INTS2: variants seen among roughly 807,000 people sequenced by gnomAD.
The protein encoded by INTS2 is integrator complex subunit 2, also known as KIAA1287.
In INTS2, 57 loss-of-function variants were observed where a neutral mutation model predicts 139.6. The observed-to-expected ratio is 0.41, with a 90% CI of 0.33 to 0.51. The LOEUF (loss-of-function observed/expected upper bound fraction) is 0.51, where lower values mean the gene tolerates loss of function less well. Among genes scored for constraint, INTS2 ranks in the 20% least tolerant of loss-of-function variants. The probability of loss-of-function intolerance (pLI) is 0.28; values close to 1 mark genes in which losing one functional copy is unlikely to be tolerated. For synonymous variants in INTS2, 473 were observed against 493.4 expected (o/e 0.96, Z 0.55); for missense variants, 1,196 against 1,436.7 (o/e 0.83, Z 2.71).
chr17:61,925,206 T>C, intron 2 of INTS2, 107 bp from the exon 3 acceptor site: 1 of 1,038,856 alleles, frequency 9.6e-7, no homozygotes, highest in East Asian at 2.6e-5. Flanking sequence ...TATAAAGTGT[T>C]CTAAAATGTT....
chr17:61,913,290 G>A (rs190862803), intron 5 of INTS2, among the ~76,000 whole-genome samples: 34 of 148,904 alleles, frequency 2.3e-4, no homozygotes, highest in African/African-American at 6.7e-4. Context: ...GCCGTGAGCC[G>A]AGCTCATGCC....
intron 15 of INTS2, among the ~76,000 whole-genome samples, chr17:61,889,329 C>T (rs1357637759): frequency 6.6e-6 from 1 of 152,068 alleles, no homozygotes; most frequent in African/African-American, 2.4e-5. Context: ...TCAGGTGATC[C>T]GCCCACCTCG....
chr17:61,909,969 A>AT lies in INTS2; in HGVS notation c.954+1550dup, dbSNP rs892764106. Reference sequence around the variant, plus strand: ...GAAATAAACATACAAGTGTAGGTACATTTTTTATATAATGATTTCTCTACC... The same window carrying AT: ...GAAATAAACATACAAGTGTAGGTACATTTTTTTATATAATGATTTCTCTACC... On this transcript the variant is annotated intron_variant, in intron 7 of 24. Coordinates refer to ENST00000251334, the MANE Select transcript of INTS2 (RefSeq NM_001351695.2). The surrounding 1 kb of genome is among the most constrained non-coding windows in gnomAD (Gnocchi z 4.9). Among the ~76,000 whole-genome samples the AT allele has an allele frequency of 5.3e-5, 8 of 152,074 alleles. No individual in the cohort carries two copies.
chr17:61,884,476 G>A (rs370038399), intron 16 of INTS2, among the ~76,000 whole-genome samples: 5 of 152,148 alleles, frequency 3.3e-5, no homozygotes, highest in Admixed American at 1.3e-4. Context: ...CTGGATGACA[G>A]AGTGAGCCAC....
intron 9 of INTS2, among the ~76,000 whole-genome samples, chr17:61,899,598 T>A (rs1196171661): frequency 6.6e-6 from 1 of 151,902 alleles, no homozygotes; most frequent in African/African-American, 2.4e-5. Context: ...AGTTTTTCTA[T>A]CTATAAGATA....
intron 16 of INTS2, among the ~76,000 whole-genome samples, chr17:61,881,805 T>C (rs2079180716): frequency 6.6e-6 from 1 of 152,180 alleles, no homozygotes; most frequent in Non-Finnish European, 1.5e-5. Context: ...ATGAAGATCC[T>C]GAAGTAATGT....
Position 61,893,937 on chromosome 17 carries a change from T to G in INTS2, c.1564-38A>C. On this transcript the variant is annotated intron_variant, in intron 12 of 24. Coordinates refer to ENST00000251334, the MANE Select transcript of INTS2 (RefSeq NM_001351695.2). This position sits in a 1 kb window ranked among gnomAD's most constrained non-coding sequence, Gnocchi z 5.4. ...AATAGCATTAGTAATATAATAGAAC[T>G]AAATATAAAATTATTTTGAAAGAGA... 1 of 1,404,984 alleles carries G rather than the reference T, an allele frequency of 7.1e-7. No individual in the cohort carries two copies. Among genetic ancestry groups the G allele is most frequent in the Non-Finnish European group, 9.6e-7 (1 of 1,040,334 alleles). 87.0% of individuals were successfully genotyped at this position (1,404,984 alleles called of 1,614,324 possible).
intron 3 of INTS2, among the ~76,000 whole-genome samples, chr17:61,924,009 T>G (rs888363202): frequency 6.6e-6 from 1 of 152,222 alleles, no homozygotes; most frequent in African/African-American, 2.4e-5. Context: ...ATTCAGAGTT[T>G]CAATTAACTA....
At chr17:61,902,303 T>G (rs192687257) in intron 9 of INTS2, among the ~76,000 whole-genome samples, 1 of 152,230 alleles carries the variant, frequency 6.6e-6, no homozygotes, top group East Asian at 1.9e-4. Context: ...CTGAATAAAT[T>G]TGTTGGTAAT....
In INTS2 at chr17:61,893,342, T is replaced by C. The variant is rs1258704172; in HGVS notation, c.1698+423A>G. ...CACATTTCCTACACAAAACCCACAA[T>C]AAATGCCTACAAACTGAAATACAAC... On this transcript the variant is annotated intron_variant, in intron 13 of 24. Coordinates refer to ENST00000251334, the MANE Select transcript of INTS2 (RefSeq NM_001351695.2). The surrounding 1 kb of genome is among the most constrained non-coding windows in gnomAD (Gnocchi z 5.4). Among the ~76,000 whole-genome samples, 1 of 152,072 alleles carries C rather than the reference T, an allele frequency of 6.6e-6. No homozygotes were observed. Among genetic ancestry groups the C allele is most frequent in the Non-Finnish European group, 1.5e-5 (1 of 68,024 alleles).
intron 8 of INTS2, among the ~76,000 whole-genome samples, chr17:61,905,270 A>G (rs1184648216): frequency 1.3e-5 from 2 of 152,122 alleles, no homozygotes; most frequent in African/African-American, 4.8e-5. Flanking sequence ...TGGTAAAACT[A>G]ATATTTTTAT....
In INTS2 at chr17:61,867,901, A is replaced by T. The variant is rs1208804666; in HGVS notation, c.3353T>A (p.Ile1118Asn). The change falls in exon 24 of 25, where the codon ATC becomes AAC. Residue 1118 changes from isoleucine to asparagine, a missense_variant. By Grantham distance (149) the Ile-to-Asn change is moderately radical. Around this residue, in one of 3 missense-constraint regions of INTS2, gnomAD observed 1,129 missense variants for 1,341.9 expected, o/e 0.84. Transcript: ENST00000251334. This position sits in a 1 kb window ranked among gnomAD's most constrained non-coding sequence, Gnocchi z 5.6. The part of the protein sequence containing the change: ...PLYEDIMSLL[I>N]QIGQVCASDV... ...AGAGGCACAAACTTGCCCTATTTGG[A>T]TCAGCAAAGACATAATATCCTCATA... The T allele has an allele frequency of 3.7e-6, 6 of 1,612,202 alleles. No individual in the cohort carries two copies. In the Admixed American group the frequency reaches 1.0e-4, roughly 27 times the overall value.
intron 17 of INTS2, among the ~76,000 whole-genome samples, chr17:61,880,732 A>G (rs1005629424): frequency 2.0e-5 from 3 of 148,980 alleles, no homozygotes; most frequent in Non-Finnish European, 4.5e-5. Context: ...AGCCTGGGTG[A>G]CAGAGAGAAA....
In INTS2 at chr17:61,872,177, A is replaced by G; in HGVS notation, c.2778+88T>C. The G allele has an allele frequency of 1.4e-6, 1 of 702,950 alleles. No individual in the cohort carries two copies. Among genetic ancestry groups the G allele is most frequent in the East Asian group, 2.6e-5 (1 of 38,966 alleles). 43.5% of individuals were successfully genotyped at this position (702,950 alleles called of 1,614,324 possible). Reference sequence around the variant, plus strand: ...CACAATATGTCACCAATGTACATGGAGCGCACAATGTGCCATCTATTGAAC... The same window carrying G: ...CACAATATGTCACCAATGTACATGGGGCGCACAATGTGCCATCTATTGAAC... On this transcript the variant is annotated intron_variant, in intron 20 of 24. Transcript: ENST00000251334. The surrounding 1 kb of genome is among the most constrained non-coding windows in gnomAD (Gnocchi z 4.8).
intron 2 of INTS2, among the ~76,000 whole-genome samples, chr17:61,925,957 C>T (rs548315403): frequency 9.7e-4 from 147 of 151,272 alleles, no homozygotes; most frequent in African/African-American, 3.5e-3. Flanking sequence ...ACCTGGGAGG[C>T]TGAGGTTGCA....
Position 61,891,589 on chromosome 17 carries a change from G to C in INTS2, c.1799C>G (p.Ser600Trp). 6.2e-7 allele frequency: 1 copy of C among 1,613,594 alleles called. No individual in the cohort carries two copies. The highest frequency in any genetic ancestry group is 8.5e-7 in the Non-Finnish European group (1 of 1,179,650). The change falls in exon 14 of 25, where the codon TCG becomes TGG. Residue 600 changes from serine (S) to tryptophan (W), a missense_variant. Ser to Trp is a radical substitution (Grantham distance 177). Transcript: ENST00000251334. ...ATTTGTGGCTTCTGGATTAGATTTC[G>C]ACGCAGGAGTAAGTATAGAATTTAT... ...VYINSILTPA[S>W]KSNPEATNQP...
At chr17:61,874,230 C>T (rs945879197) in intron 19 of INTS2, 2 of 152,222 alleles carry the variant, frequency 1.3e-5, no homozygotes, top group Non-Finnish European at 2.9e-5. Context: ...TCCTCTGCAT[C>T]TTTCCTGAAC....
At chr17:61,917,084 T>G (rs984420167) in intron 5 of INTS2, among the ~76,000 whole-genome samples, 3 of 152,096 alleles carry the variant, frequency 2.0e-5, no homozygotes, top group Admixed American at 2.0e-4. Context: ...AAAACAATCA[T>G]GAAATGCCAT....
intron 13 of INTS2, among the ~76,000 whole-genome samples, chr17:61,892,212 G>A (rs1210470152): frequency 6.6e-6 from 1 of 152,148 alleles, no homozygotes; most frequent in Non-Finnish European, 1.5e-5. Flanking sequence ...ATATAAAGCA[G>A]ATGATGCAAT....
Sources: gnomAD v4.1 joint callset for allele counts (sites outside exome capture counted in the v4.1 genomes callset) on GRCh38, gnomAD v4.1.1 for gene constraint, gnomAD v4.1.1 regional missense constraint, Gnocchi (gnomAD v3.1) non-coding constraint, MANE v1.5 for transcripts, NCBI Gene and HGNC (gene_info 2026-07-23, HGNC 2026-07-21) for gene names.